ROR1: variants seen among roughly 807,000 people sequenced by gnomAD.
ROR1 encodes inactive tyrosine-protein kinase transmembrane receptor ROR1.
In ROR1, 19 loss-of-function variants were observed where a neutral mutation model predicts 78.8. The ratio of observed to expected loss-of-function variants is 0.24; its 90% CI spans 0.17 to 0.35. The LOEUF (loss-of-function observed/expected upper bound fraction) is 0.35. ROR1 is among the 10% of genes least tolerant of loss of function. The pLI, the probability that ROR1 is intolerant of heterozygous loss-of-function variation, is 1.00. For missense variants in ROR1, 917 were observed against 1,177.8 expected, an observed-to-expected ratio of 0.78 and a Z score of 3.24; for synonymous variants, 386 against 433.6, an observed-to-expected ratio of 0.89 and a Z score of 1.36.
intron 4 of ROR1, among the ~76,000 whole-genome samples, chr1:64,095,700 A>G (rs1647279455): frequency 6.6e-6 from 1 of 152,166 alleles, no homozygotes; most frequent in East Asian, 1.9e-4. Context: ...TACCCCAAAA[A>G]TATCTGAATT....
At chr1:63,995,042 C>G (rs922302914) in intron 1 of ROR1, among the ~76,000 whole-genome samples, 1 of 152,142 alleles carries the variant, frequency 6.6e-6, no homozygotes, top group African/African-American at 2.4e-5. Flanking sequence ...ATGCAGGCAG[C>G]GACAAACAGC....
intron 4 of ROR1, among the ~76,000 whole-genome samples, chr1:64,120,689 A>G (rs975746640): frequency 6.6e-6 from 1 of 152,048 alleles, no homozygotes; most frequent in African/African-American, 2.4e-5. Flanking sequence ...ACCCAGCAAC[A>G]CTCACTCTCC....
intron 1 of ROR1, among the ~76,000 whole-genome samples, chr1:63,953,046 C>T (rs1645953379): frequency 1.3e-5 from 2 of 152,120 alleles, no homozygotes; most frequent in Admixed American, 6.5e-5. Flanking sequence ...ATGAAAATTA[C>T]ATAATGAAAG....
At chr1:63,873,205 C>T (rs778858848) in intron 1 of ROR1, among the ~76,000 whole-genome samples, 4 of 152,146 alleles carry the variant, frequency 2.6e-5, no homozygotes, top group East Asian at 1.9e-4. Context: ...CATGGAGACA[C>T]GTACCTTCCA....
chr1:63,942,950 C>T (rs1048348393), intron 1 of ROR1, among the ~76,000 whole-genome samples: 2 of 151,824 alleles, frequency 1.3e-5, no homozygotes, highest in African/African-American at 4.8e-5. Context: ...ATTAGCCAGG[C>T]ATGGTGGAGC....
At chr1:64,173,284 T>TC (rs1166280635) in intron 8 of ROR1, among the ~76,000 whole-genome samples, 1 of 152,192 alleles carries the variant, frequency 6.6e-6, no homozygotes, top group African/African-American at 2.4e-5. Context: ...AGTAAATGAC[T>TC]CCTTGGAGAA....
intron 1 of ROR1, among the ~76,000 whole-genome samples, chr1:63,796,673 C>A (rs987698350): frequency 6.6e-6 from 1 of 152,174 alleles, no homozygotes; most frequent in Non-Finnish European, 1.5e-5. Flanking sequence ...CACAAGCAGT[C>A]GTACATTCAG....
intron 1 of ROR1, among the ~76,000 whole-genome samples, chr1:63,880,286 T>C (rs1479338267): frequency 6.6e-6 from 1 of 152,162 alleles, no homozygotes; most frequent in African/African-American, 2.4e-5. Context: ...CATGGAAAGA[T>C]TGGAGCCCTT....
chr1:64,062,579 G>C (rs556562444), intron 4 of ROR1, among the ~76,000 whole-genome samples: 3 of 152,142 alleles, frequency 2.0e-5, no homozygotes, highest in Non-Finnish European at 4.4e-5. Flanking sequence ...CCAAAGTGCT[G>C]GGATTACAGG....
chr1:63,925,271 T>A (rs1645692608), intron 1 of ROR1, among the ~76,000 whole-genome samples: 1 of 151,118 alleles, frequency 6.6e-6, no homozygotes, highest in Non-Finnish European at 1.5e-5. Flanking sequence ...GTGTCTGGTT[T>A]TTTGTTCTTG....
chr1:64,139,034 G>A (rs1256381105), intron 5 of ROR1, among the ~76,000 whole-genome samples: 1 of 151,992 alleles, frequency 6.6e-6, no homozygotes, highest in African/African-American at 2.4e-5. Flanking sequence ...GGGTGTGGTG[G>A]CACATGCCTG....
At position 64,147,432 on chromosome 1, in the gene ROR1, C is replaced by T. The variant is rs558366841; in HGVS notation, c.1174+4782C>T. 7.2e-5 allele frequency among the ~76,000 whole-genome samples: 11 copies of T among 152,102 alleles called. No homozygotes were observed. In the East Asian group the frequency reaches 9.7e-4, roughly 13 times the overall value. ...CTCTTGAATTCTTCAAGCCAAGCCA[C>T]GAATATATCCATTAAAGGAACAGGG... On this transcript the variant is annotated intron_variant, in intron 7 of 8. Transcript: ENST00000371079.
At chr1:63,929,693 C>T (rs1234244652) in intron 1 of ROR1, among the ~76,000 whole-genome samples, 2 of 152,198 alleles carry the variant, frequency 1.3e-5, no homozygotes, top group Admixed American at 1.3e-4. Flanking sequence ...TCTTGAAAAG[C>T]AGTTCTTATT....
At chr1:64,063,421 G>A (rs1175960944) in intron 4 of ROR1, among the ~76,000 whole-genome samples, 2 of 152,116 alleles carry the variant, frequency 1.3e-5, no homozygotes, top group Non-Finnish European at 1.5e-5. Context: ...TAGTGAATAT[G>A]CCAGTGAATC....
At chr1:63,923,085 C>T (rs545831948) in intron 1 of ROR1, among the ~76,000 whole-genome samples, 2 of 152,310 alleles carry the variant, frequency 1.3e-5, no homozygotes, top group Non-Finnish European at 2.9e-5. Flanking sequence ...TGTGAGATCA[C>T]GGGGCTGAAA....
rs577387289 is a variant in ROR1, at chr1:63,924,961, A to G, written c.92-84344A>G. ...TTTTTTTTTTTTTTTTTTTTTAAGA[A>G]AAAACTTCCTCCACCCAGATGACAC... On this transcript the variant is annotated intron_variant, in intron 1 of 8. Coordinates refer to ENST00000371079, the MANE Select transcript of ROR1 (RefSeq NM_005012.4). 2.8e-3 allele frequency among the ~76,000 whole-genome samples: 422 copies of G among 148,272 alleles called. 1 individual carries two copies. The highest frequency in any genetic ancestry group is 4.8e-3 in the Non-Finnish European group (320 of 67,140).
intron 4 of ROR1, among the ~76,000 whole-genome samples, chr1:64,128,398 G>A (rs1423112862): frequency 2.0e-5 from 3 of 151,980 alleles, no homozygotes; most frequent in African/African-American, 7.3e-5. Context: ...AAGCCTGGAA[G>A]TTTGAGGCTG....
intron 1 of ROR1, among the ~76,000 whole-genome samples, chr1:63,785,546 G>T (rs999533780): frequency 2.0e-5 from 3 of 149,374 alleles, no homozygotes; most frequent in African/African-American, 7.4e-5. Context: ...TTTTTGAGAC[G>T]GAGTCTCACT....
chr1:63,911,248 G>A (rs1265659860), intron 1 of ROR1, among the ~76,000 whole-genome samples: 1 of 152,122 alleles, frequency 6.6e-6, no homozygotes, highest in Non-Finnish European at 1.5e-5. Flanking sequence ...TTATGCCTCA[G>A]TGTTCTCATC....
Sources: gnomAD v4.1 joint callset for allele counts (sites outside exome capture counted in the v4.1 genomes callset) on GRCh38, gnomAD v4.1.1 for gene constraint, MANE v1.5 for transcripts, NCBI Gene and HGNC (gene_info 2026-07-23, HGNC 2026-07-21) for gene names.